FMN1: variants seen among roughly 807,000 people sequenced by gnomAD.
FMN1 encodes formin-1.
FMN1 carries 110 observed loss-of-function variants against 132.4 expected under a neutral mutation model. The observed-to-expected ratio is 0.83, with a 90% confidence interval of 0.71 to 0.97. The LOEUF (loss-of-function observed/expected upper bound fraction) is 0.97. Ranked by LOEUF, FMN1 falls within the 50% of genes least tolerant of loss-of-function variation. The pLI is 0.00. For synonymous variants in FMN1, 722 were observed against 651.7 expected, an observed-to-expected ratio of 1.11 and a Z score of -1.64; for missense variants, 1,792 against 1,705.3, an observed-to-expected ratio of 1.05 and a Z score of -0.90.
intron 7 of FMN1, among the ~76,000 whole-genome samples, chr15:32,984,095 A>T (rs185764167): frequency 6.6e-6 from 1 of 152,006 alleles, no homozygotes; most frequent in South Asian, 2.1e-4. Flanking sequence ...GATTTTTTTC[A>T]TATTTCATCC....
At chr15:33,098,898 A>G (rs1222692695) in intron 4 of FMN1, among the ~76,000 whole-genome samples, 1 of 152,064 alleles carries the variant, frequency 6.6e-6, no homozygotes, top group Non-Finnish European at 1.5e-5. Context: ...AGTTCCTCGG[A>G]AGCTCACAAG....
At chr15:32,842,731 A>G (rs938490256) in intron 17 of FMN1, among the ~76,000 whole-genome samples, 8 of 152,066 alleles carry the variant, frequency 5.3e-5, no homozygotes, top group African/African-American at 1.7e-4. Context: ...TGATGGGCAC[A>G]ATAACCTTAT....
chr15:33,091,005 T>A (rs345801), intron 4 of FMN1, among the ~76,000 whole-genome samples: 107,567 of 152,104 alleles, frequency 0.71, 38,580 homozygotes, highest in East Asian at 0.85. Context: ...TCCAAGATGT[T>A]TTGGTTACTA....
chr15:32,905,069 A>G (rs1347638148), intron 12 of FMN1, among the ~76,000 whole-genome samples: 2 of 152,188 alleles, frequency 1.3e-5, no homozygotes, highest in Non-Finnish European at 2.9e-5. Flanking sequence ...AGAAGCCACA[A>G]ATGAGGGATC....
At chr15:33,137,928 T>G (rs1027444944) in intron 4 of FMN1, among the ~76,000 whole-genome samples, 1 of 152,212 alleles carries the variant, frequency 6.6e-6, no homozygotes, top group African/African-American at 2.4e-5. Flanking sequence ...TCTTATTAGC[T>G]GGGTGACATG....
At chr15:33,160,326 G>A (rs573380819) in intron 3 of FMN1, among the ~76,000 whole-genome samples, 1 of 152,268 alleles carries the variant, frequency 6.6e-6, no homozygotes, top group Admixed American at 6.5e-5. Flanking sequence ...TGGAACTGGA[G>A]GACTGAGCCA....
intron 6 of FMN1, among the ~76,000 whole-genome samples, chr15:33,028,098 C>T (rs7175174): frequency 6.6e-6 from 1 of 151,932 alleles, no homozygotes; most frequent in African/African-American, 2.4e-5. Context: ...CTACATATTA[C>T]AATCACCTGG....
Position 33,067,375 on chromosome 15 carries a change from A to T in FMN1, c.2044-2301T>A, listed in dbSNP as rs766594645. On this transcript the variant is annotated intron_variant, in intron 5 of 20. Transcript: ENST00000616417. The stretch of plus-strand genomic sequence containing the variant: ...CCTGAGATGGCTCAGATAAAACACC[A>T]CTAGGGGACTTTGGGCCATTGGTGC... 3.1e-6 allele frequency: 5 copies of T among 1,613,978 alleles called. No homozygotes were observed. In the East Asian group the frequency reaches 1.1e-4, roughly 36 times the overall value.
At chr15:32,819,255 G>C (rs2058141768) in intron 17 of FMN1, among the ~76,000 whole-genome samples, 3 of 152,120 alleles carry the variant, frequency 2.0e-5, no homozygotes, top group Non-Finnish European at 4.4e-5. Context: ...GTGGACATAC[G>C]GCTCTCTTAT....
intron 5 of FMN1, among the ~76,000 whole-genome samples, chr15:33,074,230 T>G (rs2038110175): frequency 6.6e-6 from 1 of 152,196 alleles, no homozygotes; most frequent in Admixed American, 6.5e-5. Context: ...TTATACTCAT[T>G]TTCCACATCT....
rs139779094 is a variant in FMN1 at position 32,926,706 on chromosome 15, T to A, written c.3139-445A>T. On this transcript the variant is annotated intron_variant, in intron 9 of 20. Transcript: ENST00000616417. ...AGGGGAAAAAGCATGAACAGCTGAG[T>A]CAGCCACCAGTGATATGGCCTTGGT... 1.8e-3 allele frequency among the ~76,000 whole-genome samples: 270 copies of A among 152,274 alleles called. 1 individual carries two copies. Among genetic ancestry groups the A allele is most frequent in the Non-Finnish European group, 3.2e-3 (215 of 68,006 alleles).
At chr15:32,865,705 G>A (rs1038907898) in intron 16 of FMN1, among the ~76,000 whole-genome samples, 7 of 151,782 alleles carry the variant, frequency 4.6e-5, no homozygotes, top group Admixed American at 6.6e-5. Context: ...GCGTGGTGGC[G>A]CATGCCTGTA....
chr15:33,093,217 G>T (rs570501019), intron 4 of FMN1, among the ~76,000 whole-genome samples: 1 of 152,238 alleles, frequency 6.6e-6, no homozygotes, highest in African/African-American at 2.4e-5. Flanking sequence ...AAAACCCTAA[G>T]CTTAAAACTC....
intron 6 of FMN1, among the ~76,000 whole-genome samples, chr15:33,045,018 G>C (rs75819514): frequency 6.6e-6 from 1 of 152,218 alleles, no homozygotes; most frequent in Non-Finnish European, 1.5e-5. Flanking sequence ...GAAAAGAGCT[G>C]CCACCCTTCA....
chr15:32,976,032 G>A (rs984422175), intron 7 of FMN1, among the ~76,000 whole-genome samples: 10 of 152,140 alleles, frequency 6.6e-5, no homozygotes, highest in Admixed American at 2.0e-4. Flanking sequence ...ACTGATGAAA[G>A]ACATCGTGTT....
intron 19 of FMN1, among the ~76,000 whole-genome samples, chr15:32,796,035 C>A (rs1345846539): frequency 6.6e-6 from 1 of 152,168 alleles, no homozygotes; most frequent in Non-Finnish European, 1.5e-5. Flanking sequence ...GAACTTAGGA[C>A]ATTTTTATGT....
intron 10 of FMN1, 41 bp downstream of exon 10, chr15:32,926,133 A>C: frequency 8.9e-7 from 1 of 1,119,194 alleles, no homozygotes; most frequent in South Asian, 1.4e-5. Flanking sequence ...TGTTTTTTAA[A>C]AAATGGAAAA....
At chr15:32,911,819 T>C (rs1246170643) in intron 10 of FMN1, among the ~76,000 whole-genome samples, 1 of 151,922 alleles carries the variant, frequency 6.6e-6, no homozygotes, top group Non-Finnish European at 1.5e-5. Context: ...ACATCACACA[T>C]CCACAAAGGC....
chr15:32,884,471 T>A (rs1167589616), intron 16 of FMN1, among the ~76,000 whole-genome samples: 1 of 152,204 alleles, frequency 6.6e-6, no homozygotes, highest in African/African-American at 2.4e-5. Flanking sequence ...ATTCATGTGA[T>A]TAGATTAGGC....
Sources: allele counts gnomAD v4.1 joint callset (sites outside exome capture counted in the v4.1 genomes callset), GRCh38; gene constraint gnomAD v4.1.1; transcripts MANE v1.5; gene names NCBI Gene and HGNC (gene_info 2026-07-23, HGNC 2026-07-21).